The following CLCN4 variants were observed in gnomAD, a reference collection of about 807,000 sequenced individuals.
The protein encoded by CLCN4 is Cl-/H+ antiporter 4.
Under a neutral mutation model 41.7 loss-of-function variants are expected in CLCN4, and 1 was observed. The ratio of observed to expected loss-of-function variants is 0.02; its 90% CI spans 0.01 to 0.11. The LOEUF (loss-of-function observed/expected upper bound fraction) is 0.11, where lower values mean the gene tolerates loss of function less well. Among genes scored for constraint, CLCN4 ranks in the 10% least tolerant of loss-of-function variants. The probability of loss-of-function intolerance (pLI) is 1.00; values close to 1 mark genes in which losing one functional copy is unlikely to be tolerated. For synonymous variants in CLCN4, 277 were observed against 285.8 expected (o/e 0.97, Z 0.31); for missense variants, 287 against 661.0 (o/e 0.43, Z 6.20).
chrX:10,208,624 C>G (rs766107215), intron 9 of CLCN4, 34 bp downstream of exon 9: 3 of 1,142,259 alleles, frequency 2.6e-6, no homozygotes, highest in Non-Finnish European at 3.5e-6. Flanking sequence ...GGGTGGGGAC[C>G]CATGTCCTTC....
intron 6 of CLCN4, among the ~76,000 whole-genome samples, chrX:10,203,944 A>G (rs1272215016): frequency 1.8e-5 from 2 of 111,912 alleles, no homozygotes; most frequent in Non-Finnish European, 3.8e-5. Context: ...TAATGGGAAA[A>G]CCAGAAATTG....
chrX:10,213,676 T>C lies in CLCN4; in HGVS notation c.1577-5T>C. The C allele has an allele frequency of 1.7e-6, 2 of 1,199,475 alleles. No individual in the cohort carries two copies. Among genetic ancestry groups the C allele is most frequent in the Non-Finnish European group, 2.3e-6 (2 of 886,959 alleles). On this transcript the variant is annotated splice_region_variant and splice_polypyrimidine_tract_variant and intron_variant, in intron 10 of 12. Transcript: ENST00000380833. ...TTGGAATCTTACTCCTCCCCTCTGT[T>C]GCAGGTGGAGTTACCAGGATGACGG... is the stretch of plus-strand genomic sequence containing the variant.
At position 10,198,029 on chromosome X, in the gene CLCN4, G is replaced by T. The variant is rs780877642; in HGVS notation, c.523G>T (p.Ala175Ser). ...GGCTGTCTCCCTGGTGCGTGTATTT[G>T]CACCATATGCCTGTGGCTCTGGCAT... ...FLAVSLVRVF[A>S]PYACGSGIPE... The change falls in exon 6 of 13, where the codon GCA (alanine) becomes TCA (serine). Residue 175 changes from alanine (A) to serine (S), a missense_variant. Physicochemically the swap from Ala to Ser is moderately conservative, Grantham distance 99. This residue lies in a region of CLCN4 where 90 missense variants were observed against 209.8 expected (regional missense o/e 0.43). Coordinates refer to ENST00000380833, the MANE Select transcript of CLCN4 (RefSeq NM_001830.4). 1 of 1,210,840 alleles carries T rather than the reference G, an allele frequency of 8.3e-7. No individual in the cohort carries two copies. The highest frequency in any genetic ancestry group is 1.8e-5 in the South Asian group (1 of 56,885).
chrX:10,226,346 T>A (rs1357871727), intron 12 of CLCN4, among the ~76,000 whole-genome samples: 1 of 111,426 alleles, frequency 9.0e-6, no homozygotes, highest in African/African-American at 3.3e-5. Flanking sequence ...TTGAAACCAA[T>A]GAGAACAAAG....
intron 2 of CLCN4, among the ~76,000 whole-genome samples, chrX:10,174,372 C>T (rs183801240): frequency 1.5e-4 from 17 of 112,290 alleles, no homozygotes; most frequent in Non-Finnish European, 2.6e-4. Context: ...TGGGAGAGTT[C>T]TGATGGAGGC....
At chrX:10,158,629 G>A (rs1174856382) in intron 2 of CLCN4, 78 bp downstream of exon 2, 1 of 259,093 alleles carries the variant, frequency 3.9e-6, no homozygotes, top group Admixed American at 6.6e-5. Context: ...CCCGGCCCGC[G>A]GGCCTGCAGC....
intron 4 of CLCN4, among the ~76,000 whole-genome samples, chrX:10,193,199 TGTGAA>T (rs1327944443): frequency 9.0e-6 from 1 of 111,728 alleles, no homozygotes; most frequent in Non-Finnish European, 1.9e-5. Flanking sequence ...TCAAAAGAAT[TGTGAA>T]GGGGAATCCA....
chrX:10,195,141 C>G (rs1271413954), intron 5 of CLCN4, 43 bp downstream of exon 5: 2 of 1,121,201 alleles, frequency 1.8e-6, no homozygotes, highest in Non-Finnish European at 2.4e-6. Context: ...CCCTGCCGTT[C>G]CATGCGTGCT....
chrX:10,195,389 C>T (rs1389724800), intron 5 of CLCN4, among the ~76,000 whole-genome samples: 1 of 109,963 alleles, frequency 9.1e-6, no homozygotes, highest in Admixed American at 9.7e-5. Flanking sequence ...TTTTTCTTAC[C>T]GAAGGTGGTT....
intron 12 of CLCN4, among the ~76,000 whole-genome samples, chrX:10,225,580 G>T (rs184790596): frequency 8.9e-6 from 1 of 112,286 alleles, no homozygotes; most frequent in East Asian, 2.8e-4. Flanking sequence ...TTGCTGTGCA[G>T]AAGCTCTTTA....
chrX:10,187,755 A>G, intron 4 of CLCN4, 141 bp downstream of exon 4: 1 of 478,846 alleles, frequency 2.1e-6, no homozygotes, highest in Non-Finnish European at 3.6e-6. Context: ...TACTTGAAAT[A>G]TCTAAGGGCA....
intron 12 of CLCN4, among the ~76,000 whole-genome samples, chrX:10,224,997 G>T (rs1457756325): frequency 8.9e-6 from 1 of 112,130 alleles, no homozygotes; most frequent in African/African-American, 3.2e-5. Flanking sequence ...TATCACTGAT[G>T]AGCATTTGGG....
intron 6 of CLCN4, among the ~76,000 whole-genome samples, chrX:10,206,047 C>G (rs1924380393): frequency 9.0e-6 from 1 of 111,464 alleles, no homozygotes; most frequent in Non-Finnish European, 1.9e-5. Context: ...GTACATGTCT[C>G]TTCTCAACAT....
intron 6 of CLCN4, among the ~76,000 whole-genome samples, chrX:10,200,712 A>G (rs1479168480): frequency 9.0e-6 from 1 of 111,557 alleles, no homozygotes; most frequent in Non-Finnish European, 1.9e-5. Flanking sequence ...TTTTTTTGAC[A>G]AGGTCTCACT....
intron 2 of CLCN4, among the ~76,000 whole-genome samples, chrX:10,165,396 G>A (rs1476521271): frequency 8.9e-6 from 1 of 112,691 alleles, no homozygotes; most frequent in Non-Finnish European, 1.9e-5. Flanking sequence ...GGAACAGCAG[G>A]GTCATGAAGG....
intron 2 of CLCN4, among the ~76,000 whole-genome samples, chrX:10,171,242 A>C (rs1923380304): frequency 8.9e-6 from 1 of 112,158 alleles, no homozygotes; most frequent in African/African-American, 3.2e-5. Flanking sequence ...ACAGCTTACT[A>C]CTTTATTTCT....
At chrX:10,176,474 C>G (rs778596567) in intron 2 of CLCN4, among the ~76,000 whole-genome samples, 2 of 112,632 alleles carry the variant, frequency 1.8e-5, no homozygotes, top group South Asian at 7.3e-4. Flanking sequence ...GATTTCCCAC[C>G]TGGACCTTTC....
chrX:10,194,693 T>C (rs1173416402), intron 4 of CLCN4, among the ~76,000 whole-genome samples: 3 of 112,326 alleles, frequency 2.7e-5, no homozygotes, highest in Admixed American at 9.4e-5. Context: ...GTATTTCTCA[T>C]TGGGCTTGTG....
Position 10,158,314 on chromosome X carries a change from G to GA in CLCN4, c.-246dup, listed in dbSNP as rs1239786408. 30 of 289,526 alleles carry GA rather than the reference G, an allele frequency of 1.0e-4. No individual in the cohort carries two copies. The highest frequency in any genetic ancestry group is 9.2e-4 in the Admixed American group (15 of 16,256). The allele number at this position is 289,526 out of a possible 1,213,427, so 23.9% of individuals were successfully genotyped here. On this transcript the variant is annotated 5_prime_UTR_variant, in exon 2 of 13. Transcript: ENST00000380833. ...GCCAGGCAAGCTGCACACATCAAGC[G>GA]AAACGCCTGAGGGGCGGCCAGCGCG...
Sources: gnomAD v4.1 joint callset for allele counts (sites outside exome capture counted in the v4.1 genomes callset) on GRCh38, gnomAD v4.1.1 for gene constraint, gnomAD v4.1.1 regional missense constraint, MANE v1.5 for transcripts, NCBI Gene and HGNC (gene_info 2026-07-23, HGNC 2026-07-21) for gene names.